ADGRF1: variants seen among roughly 807,000 people sequenced by gnomAD.
The protein encoded by ADGRF1 is G protein-coupled receptor 110.
ADGRF1 carries 85 observed loss-of-function variants against 87.2 expected under a neutral mutation model. That is an observed-to-expected ratio of 0.97 (90% CI 0.82 to 1.17). The LOEUF (loss-of-function observed/expected upper bound fraction) is 1.17. Ranked by LOEUF, ADGRF1 falls within the 50% of genes most tolerant of loss-of-function variation. The pLI is 0.00. For missense variants in ADGRF1, 1,169 were observed against 1,077.2 expected (o/e 1.09, Z -1.19); for synonymous variants, 430 against 408.8 (o/e 1.05, Z -0.63).
chr6:47,040,148 T>C (rs1186892586), intron 1 of ADGRF1, among the ~76,000 whole-genome samples: 1 of 151,790 alleles, frequency 6.6e-6, no homozygotes, highest in Non-Finnish European at 1.5e-5. Flanking sequence ...GCTATGGGTG[T>C]TCCCTGCCAA....
intron 9 of ADGRF1, chr6:47,013,032 A>G: frequency 1.0e-6 from 1 of 980,192 alleles, no homozygotes; most frequent in Non-Finnish European, 1.2e-6. Flanking sequence ...TTGGCCTCCC[A>G]AAGTGCTAGG....
At position 47,009,368 on chromosome 6, in the gene ADGRF1, C is replaced by T; in HGVS notation, c.2067G>A (p.Val689=). Residue 689 remains valine (V), a synonymous_variant, in exon 11 of 15, where the codon GTG becomes GTA. Coordinates refer to ENST00000371253, the MANE Select transcript of ADGRF1 (RefSeq NM_153840.4). ...TCAAATGCTGGGCCATGTGATGGAA[C>T]ACGAGGATGATCCGGTAAGCCAGCA... ...GILLAYRIIL[V]FHHMAQHLMM... 6.2e-7 allele frequency: 1 copy of T among 1,614,060 alleles called. No homozygotes were observed.
chr6:47,000,454 C>T (rs1779330723), intron 14 of ADGRF1, among the ~76,000 whole-genome samples, 159 bp from the exon 15 acceptor site: 2 of 152,186 alleles, frequency 1.3e-5, no homozygotes. Context: ...AGAGAAATAG[C>T]ATTTCACCAA....
intron 1 of ADGRF1, among the ~76,000 whole-genome samples, chr6:47,037,001 C>T (rs1780606442): frequency 6.6e-6 from 1 of 152,188 alleles, no homozygotes; most frequent in Non-Finnish European, 1.5e-5. Flanking sequence ...TAACTTTTAA[C>T]TTTTCTAAGT....
intron 10 of ADGRF1, 75 bp downstream of exon 10, chr6:47,011,932 A>T (rs1015732869): frequency 7.4e-7 from 1 of 1,352,660 alleles, no homozygotes; most frequent in Non-Finnish European, 1.0e-6. Context: ...ATAGTTCCCC[A>T]TATTTAAGGC....
At chr6:47,014,166 T>C in intron 9 of ADGRF1, 4 of 765,628 alleles carry the variant, frequency 5.2e-6, no homozygotes, top group Non-Finnish European at 6.4e-6. Context: ...CTTGGTCTTT[T>C]GTTTTCTGAT....
chr6:47,000,659 G>A (rs571179979), intron 14 of ADGRF1, among the ~76,000 whole-genome samples: 14 of 152,142 alleles, frequency 9.2e-5, no homozygotes, highest in Non-Finnish European at 2.1e-4. Flanking sequence ...GTAAAAAAGC[G>A]CTCAAGCTGA....
intron 14 of ADGRF1, among the ~76,000 whole-genome samples, chr6:47,000,651 A>G (rs540988645): frequency 5.3e-5 from 8 of 152,278 alleles, no homozygotes; most frequent in Admixed American, 2.6e-4. Context: ...AGAGACTTGT[A>G]AAAAAGCGCT....
chr6:47,031,436 G>A (rs560597594), intron 1 of ADGRF1, among the ~76,000 whole-genome samples: 2 of 148,984 alleles, frequency 1.3e-5, no homozygotes, highest in South Asian at 2.2e-4. Flanking sequence ...GGCTGTAAAG[G>A]CAGCTTGAGA....
At chr6:47,011,303 G>A (rs1359744707) in intron 10 of ADGRF1, among the ~76,000 whole-genome samples, 1 of 152,080 alleles carries the variant, frequency 6.6e-6, no homozygotes, top group Non-Finnish European at 1.5e-5. Context: ...ATCATATATA[G>A]TTAAGTATTA....
At chr6:47,012,431 C>A (rs928281145) in intron 9 of ADGRF1, 1 of 679,952 alleles carries the variant, frequency 1.5e-6, no homozygotes. Flanking sequence ...AGGGAGGTAC[C>A]ATTATTATTT....
rs182982910 is a variant in ADGRF1 at position 47,038,875 on chromosome 6, T to A, written c.-44+3316A>T. On this transcript the variant is annotated intron_variant, in intron 1 of 14. Transcript: ENST00000371253. ...CATTAAGTGTCTTATCAGAAATAAT[T>A]AGCTTGATTATCTAAGAGACGAAGC... 2.1e-3 allele frequency among the ~76,000 whole-genome samples: 325 copies of A among 152,330 alleles called. 5 individuals carry two copies. The highest frequency in any genetic ancestry group is 7.3e-3 in the African/African-American group (304 of 41,570).
At chr6:47,015,586 T>TTATTTATTTATTTATG (rs1779846508) in intron 8 of ADGRF1, among the ~76,000 whole-genome samples, 1 of 151,386 alleles carries the variant, frequency 6.6e-6, no homozygotes, top group South Asian at 2.1e-4. Flanking sequence ...ATTTATTTAT[T>TTATTTATTTATTTATG]TATTTATTTA....
rs1161115613 is a variant in ADGRF1 at position 47,026,014 on chromosome 6, A to G, written c.128-11T>C. On this transcript the variant is annotated splice_polypyrimidine_tract_variant and intron_variant, in intron 3 of 14. Coordinates refer to ENST00000371253, the MANE Select transcript of ADGRF1 (RefSeq NM_153840.4). ...ATTCTTCGACTGGGCCTAAAGAGAGAAAGAGAGTCAGAAACCTTTTTTTCT... is the reference window on the plus strand; with the variant it reads ...ATTCTTCGACTGGGCCTAAAGAGAGGAAGAGAGTCAGAAACCTTTTTTTCT... 1 of 1,479,900 alleles carries G rather than the reference A, an allele frequency of 6.8e-7. No individual in the cohort carries two copies. The highest frequency in any genetic ancestry group is 2.1e-5 in the African/African-American group (1 of 47,384). 91.7% of individuals were successfully genotyped at this position (1,479,900 alleles called of 1,614,324 possible). A position where few individuals can be genotyped will look rare whatever the true frequency, so the allele number is the denominator to read the frequency against.
chr6:47,007,386 T>G, intron 11 of ADGRF1, 92 bp from the exon 12 acceptor site: 3 of 721,250 alleles, frequency 4.2e-6, no homozygotes, highest in Admixed American at 5.1e-5. Context: ...TCACCCCACA[T>G]TGAAACTGTT....
chr6:47,009,146 C>T lies in ADGRF1; in HGVS notation c.2289G>A (p.Leu763=), dbSNP rs376771501. ...GCCTCCAGAGCTTTGTGAGAACTAG[C>T]AGCACCACAACGAAGTTCACAGCCA... is the stretch of plus-strand genomic sequence containing the variant. The part of the protein sequence containing the change: ...AIVAVNFVVV[L]LVLTKLWRPT... Residue 763 remains leucine (L), a synonymous_variant, in exon 11 of 15, where the codon CTG becomes CTA. Coordinates refer to ENST00000371253, the MANE Select transcript of ADGRF1 (RefSeq NM_153840.4). The T allele has an allele frequency of 4.3e-6, 7 of 1,613,994 alleles. No individual in the cohort carries two copies. The highest frequency in any genetic ancestry group is 5.9e-6 in the Non-Finnish European group (7 of 1,180,032).
At chr6:47,028,460 C>T (rs1780309335) in intron 2 of ADGRF1, among the ~76,000 whole-genome samples, 1 of 152,072 alleles carries the variant, frequency 6.6e-6, no homozygotes, top group South Asian at 2.1e-4. Context: ...GGATTGGGTT[C>T]GATTTTGAAC....
chr6:47,005,679 T>C (rs1016026817), intron 13 of ADGRF1, 138 bp downstream of exon 13: 18 of 584,586 alleles, frequency 3.1e-5, no homozygotes, highest in South Asian at 2.0e-4. Flanking sequence ...CCAGGCTCCA[T>C]GTCAGATACC....
At chr6:47,018,407 T>G in intron 7 of ADGRF1, 1 of 1,280,170 alleles carries the variant, frequency 7.8e-7, no homozygotes, top group Non-Finnish European at 1.0e-6. Context: ...CTCAAATTCT[T>G]ACTACATTGA....
Sources: allele counts gnomAD v4.1 joint callset (sites outside exome capture counted in the v4.1 genomes callset), GRCh38; gene constraint gnomAD v4.1.1; transcripts MANE v1.5; gene names NCBI Gene and HGNC (gene_info 2026-07-23, HGNC 2026-07-21).